The following JAKMIP1 variants were observed in gnomAD, a reference collection of about 807,000 sequenced individuals.
JAKMIP1 encodes the protein janus kinase and microtubule-interacting protein 1.
JAKMIP1 carries 33 observed loss-of-function variants against 113.0 expected under a neutral mutation model. That is an observed-to-expected ratio of 0.29 (90% CI 0.22 to 0.39). The LOEUF (loss-of-function observed/expected upper bound fraction) is 0.39. JAKMIP1 is among the 10% of genes least tolerant of loss of function. JAKMIP1 has a pLI of 1.00. For synonymous variants in JAKMIP1, 480 were observed against 459.9 expected (o/e 1.04, Z -0.56); for missense variants, 813 against 1,080.5 (o/e 0.75, Z 3.47).
chr4:6,155,853 C>T lies in JAKMIP1; in HGVS notation c.-147-42856G>A, dbSNP rs757067260. Among the ~76,000 whole-genome samples the T allele has an allele frequency of 6.6e-6, 1 of 152,138 alleles. No individual in the cohort carries two copies. Reference sequence around the variant, plus strand: ...AGCCTTCCTGGGTCCTGCCCTAGACCTCATGAATGGCACTCTCTAGAGGTG... The same window carrying T: ...AGCCTTCCTGGGTCCTGCCCTAGACTTCATGAATGGCACTCTCTAGAGGTG... On this transcript the variant is annotated intron_variant, in intron 1 of 20. Transcript: ENST00000409021. The surrounding 1 kb of genome is among the most constrained non-coding windows in gnomAD (Gnocchi z 6.1).
intron 8 of JAKMIP1, 35 bp downstream of exon 8, chr4:6,078,904 G>T: frequency 6.2e-7 from 1 of 1,611,952 alleles, no homozygotes; most frequent in South Asian, 1.1e-5. Flanking sequence ...GTGACACAGC[G>T]GCAAGGTAGG....
At chr4:6,073,442 G>T (rs1320021034) in intron 8 of JAKMIP1, among the ~76,000 whole-genome samples, 1 of 152,208 alleles carries the variant, frequency 6.6e-6, no homozygotes, top group Non-Finnish European at 1.5e-5. Flanking sequence ...GTGCTTTGAT[G>T]GTTCCCAGCG....
chr4:6,027,261 C>A (rs6822853), intron 20 of JAKMIP1, among the ~76,000 whole-genome samples: 2 of 152,138 alleles, frequency 1.3e-5, no homozygotes, highest in African/African-American at 2.4e-5. Flanking sequence ...TTCTCCCCCC[C>A]AAAACAAGGT....
At position 6,200,502 on chromosome 4, in the gene JAKMIP1, T is replaced by C. The variant is rs936278380; in HGVS notation, c.-397A>G. 2.0e-5 allele frequency: 3 copies of C among 150,384 alleles called. No individual in the cohort carries two copies. Among genetic ancestry groups the C allele is most frequent in the Non-Finnish European group, 4.4e-5 (3 of 67,512 alleles). 9.3% of individuals were successfully genotyped at this position (150,384 alleles called of 1,614,324 possible). A position where few individuals can be genotyped will look rare whatever the true frequency, so the allele number is the denominator to read the frequency against. On this transcript the variant is annotated 5_prime_UTR_variant, in exon 1 of 21. Coordinates refer to ENST00000409021, the MANE Select transcript of JAKMIP1 (RefSeq NM_001099433.2). This position sits in a 1 kb window ranked among gnomAD's most constrained non-coding sequence, Gnocchi z 7.0. ...GGGAGTCGAGAGGCCGCGGCACTGGTGGCCGCGATCCGGGCAGGCGGCCGG... is the reference window on the plus strand; with the variant it reads ...GGGAGTCGAGAGGCCGCGGCACTGGCGGCCGCGATCCGGGCAGGCGGCCGG...
Position 6,198,762 on chromosome 4 carries a change from C to A in JAKMIP1, c.-148+1491G>T, listed in dbSNP as rs1023580702. Among the ~76,000 whole-genome samples the A allele has an allele frequency of 1.7e-4, 26 of 152,334 alleles. 1 individual carries two copies. Among genetic ancestry groups the A allele is most frequent in the African/African-American group, 5.3e-4 (22 of 41,580 alleles). On this transcript the variant is annotated intron_variant, in intron 1 of 20. Coordinates refer to ENST00000409021, the MANE Select transcript of JAKMIP1 (RefSeq NM_001099433.2). Reference sequence around the variant, plus strand: ...TGCTAGGAAAGGATTCTAATTCCCCCACTCTATCCCCGAATGTGTCCCTCC... The same window carrying A: ...TGCTAGGAAAGGATTCTAATTCCCCAACTCTATCCCCGAATGTGTCCCTCC...
chr4:6,079,320 G>GTGGA (rs1299819238), intron 7 of JAKMIP1, among the ~76,000 whole-genome samples: 4 of 152,176 alleles, frequency 2.6e-5, no homozygotes, highest in East Asian at 3.8e-4. Context: ...GAATGGGTGA[G>GTGGA]TGGATGGATG....
At position 6,192,213 on chromosome 4, in the gene JAKMIP1, G is replaced by A. The variant is rs867970113; in HGVS notation, c.-148+8040C>T. On this transcript the variant is annotated intron_variant, in intron 1 of 20. Transcript: ENST00000409021. This position sits in a 1 kb window ranked among gnomAD's most constrained non-coding sequence, Gnocchi z 5.0. ...CTCCCAAAGTGCTGGGATTACAGGCGTGAGCCACCGCGCCTGGCCAGGGTG... is the reference window on the plus strand; with the variant it reads ...CTCCCAAAGTGCTGGGATTACAGGCATGAGCCACCGCGCCTGGCCAGGGTG... Among the ~76,000 whole-genome samples, 3 of 152,128 alleles carry A rather than the reference G, an allele frequency of 2.0e-5. No homozygotes were observed. Among genetic ancestry groups the A allele is most frequent in the South Asian group, 4.1e-4 (2 of 4,824 alleles).
rs896076681 is a variant in JAKMIP1, at chr4:6,029,799, A to G, written c.2380-18T>C. 1.3e-6 allele frequency: 2 copies of G among 1,571,488 alleles called. No homozygotes were observed. Among genetic ancestry groups the G allele is most frequent in the Non-Finnish European group, 1.7e-6 (2 of 1,149,398 alleles). On this transcript the variant is annotated intron_variant, in intron 19 of 20. Transcript: ENST00000409021. ...CGGATTCTCTGAAATACACCAGGTT[A>G]CGTGTCAGAAAAAGTAAGTTTTCCA... is the stretch of plus-strand genomic sequence containing the variant.
chr4:6,100,521 T>C (rs1477558531), intron 3 of JAKMIP1, among the ~76,000 whole-genome samples: 1 of 152,238 alleles, frequency 6.6e-6, no homozygotes, highest in Non-Finnish European at 1.5e-5. Context: ...TCGTTGACTA[T>C]TATAATGCTA....
At chr4:6,195,973 C>G (rs959453349) in intron 1 of JAKMIP1, among the ~76,000 whole-genome samples, 4 of 152,240 alleles carry the variant, frequency 2.6e-5, no homozygotes, top group South Asian at 4.1e-4. Flanking sequence ...GTGCCATTCA[C>G]ACATGTTAAC....
chr4:6,146,229 T>TGG (rs58891037), intron 1 of JAKMIP1, among the ~76,000 whole-genome samples: 2 of 135,696 alleles, frequency 1.5e-5, no homozygotes, highest in African/African-American at 3.0e-5. Context: ...TGCCAGGGGC[T>TGG]GGGGGGAGGT....
At chr4:6,092,286 C>A (rs976910021) in intron 3 of JAKMIP1, among the ~76,000 whole-genome samples, 1 of 152,174 alleles carries the variant, frequency 6.6e-6, no homozygotes, top group Non-Finnish European at 1.5e-5. Context: ...AGTGTGGGTA[C>A]AGGCACTTCA....
At chr4:6,057,087 C>A (rs909784119) in intron 11 of JAKMIP1, among the ~76,000 whole-genome samples, 4 of 152,184 alleles carry the variant, frequency 2.6e-5, no homozygotes, top group Non-Finnish European at 5.9e-5. Flanking sequence ...TGACCTCATA[C>A]CCCGCAGACT....
Position 6,153,810 on chromosome 4 carries a change from T to C in JAKMIP1, c.-147-40813A>G, listed in dbSNP as rs1002670916. Among the ~76,000 whole-genome samples, 1 of 152,220 alleles carries C rather than the reference T, an allele frequency of 6.6e-6. No individual in the cohort carries two copies. The highest frequency in any genetic ancestry group is 6.5e-5 in the Admixed American group (1 of 15,286). ...TAAGATACAGTTATATTTTCCCTAA[T>C]GCACACTAAAGTATTATTAAAATAA... On this transcript the variant is annotated intron_variant, in intron 1 of 20. Coordinates refer to ENST00000409021, the MANE Select transcript of JAKMIP1 (RefSeq NM_001099433.2). The surrounding 1 kb of genome is among the most constrained non-coding windows in gnomAD (Gnocchi z 4.9).
At chr4:6,035,099 G>T (rs1713230970) in intron 19 of JAKMIP1, among the ~76,000 whole-genome samples, 2 of 152,238 alleles carry the variant, frequency 1.3e-5, no homozygotes, top group South Asian at 4.2e-4. Context: ...GTTCCTTAAA[G>T]TAAGTCAACC....
rs751091571 is a variant in JAKMIP1 at position 6,043,983 on chromosome 4, G to A, written c.2029-1756C>T. 6.2e-4 allele frequency among the ~76,000 whole-genome samples: 94 copies of A among 152,122 alleles called. 1 individual carries two copies. The highest frequency in any genetic ancestry group is 1.2e-3 in the Non-Finnish European group (83 of 67,992). On this transcript the variant is annotated intron_variant, in intron 16 of 20. Transcript: ENST00000409021. ...ACACAGAGCTCCTCGAACATGCCCA[G>A]CCTTTCCATGTGCTGTCCCTACCTC... is the stretch of plus-strand genomic sequence containing the variant.
rs750649899 is a variant in JAKMIP1 at position 6,186,307 on chromosome 4, A to T, written c.-148+13946T>A. Among the ~76,000 whole-genome samples, 1 of 152,170 alleles carries T rather than the reference A, an allele frequency of 6.6e-6. No individual in the cohort carries two copies. The highest frequency in any genetic ancestry group is 2.4e-5 in the African/African-American group (1 of 41,446). ...GGAAAGTGGGATGGTGAGCAAAAGCATGGAAGTTGGAAAAGGAGGTGGTTA... is the reference window on the plus strand; with the variant it reads ...GGAAAGTGGGATGGTGAGCAAAAGCTTGGAAGTTGGAAAAGGAGGTGGTTA... On this transcript the variant is annotated intron_variant, in intron 1 of 20. Transcript: ENST00000409021. The surrounding 1 kb of genome is among the most constrained non-coding windows in gnomAD (Gnocchi z 5.5).
chr4:6,199,896 A>G lies in JAKMIP1; in HGVS notation c.-148+357T>C, dbSNP rs1445181557. Among the ~76,000 whole-genome samples, 1 of 133,998 alleles carries G rather than the reference A, an allele frequency of 7.5e-6. No individual in the cohort carries two copies. The highest frequency in any genetic ancestry group is 1.6e-5 in the Non-Finnish European group (1 of 62,758). 87.9% of individuals were successfully genotyped at this position (133,998 alleles called of 152,430 possible). A position where few individuals can be genotyped will look rare whatever the true frequency, so the allele number is the denominator to read the frequency against. On this transcript the variant is annotated intron_variant, in intron 1 of 20. Transcript: ENST00000409021. This position sits in a 1 kb window ranked among gnomAD's most constrained non-coding sequence, Gnocchi z 5.6. ...GGTCCCCCTCCCGCTCCTTGGCTTG[A>G]GGGCGGAATCCGGAGAAGAGTGGAA...
chr4:6,072,069 T>C (rs555486578), intron 8 of JAKMIP1, among the ~76,000 whole-genome samples: 1 of 152,370 alleles, frequency 6.6e-6, no homozygotes, highest in African/African-American at 2.4e-5. Context: ...GTTAAGCATC[T>C]CTACAGGTAG....
Sources: gnomAD v4.1 joint callset for allele counts (sites outside exome capture counted in the v4.1 genomes callset) on GRCh38, gnomAD v4.1.1 for gene constraint, Gnocchi (gnomAD v3.1) non-coding constraint, MANE v1.5 for transcripts, NCBI Gene and HGNC (gene_info 2026-07-23, HGNC 2026-07-21) for gene names.